The following SORCS3 variants were observed in gnomAD, a reference collection of about 807,000 sequenced individuals.
SORCS3 encodes sortilin related VPS10 domain containing receptor 3, also known as VPS10 domain-containing receptor SorCS3.
SORCS3 carries 57 observed loss-of-function variants against 146.3 expected under a neutral mutation model. The ratio of observed to expected loss-of-function variants is 0.39; its 90% CI spans 0.31 to 0.49. SORCS3 has a LOEUF of 0.49. Among genes scored for constraint, SORCS3 ranks in the 20% least tolerant of loss-of-function variants. The pLI, the probability that SORCS3 is intolerant of heterozygous loss-of-function variation, is 0.92. For synonymous variants in SORCS3, 653 were observed against 618.5 expected (o/e 1.06, Z -0.83); for missense variants, 1,341 against 1,575.5 (o/e 0.85, Z 2.52).
At chr10:105,242,569 TTTATATATTTA>T (rs1434140737) in intron 20 of SORCS3, among the ~76,000 whole-genome samples, 6 of 31,742 alleles carry the variant, frequency 1.9e-4, no homozygotes, top group African/African-American at 7.7e-4. Context: ...TTTATATATA[TTTATATATTTA>T]TATATATTTA....
intron 1 of SORCS3, among the ~76,000 whole-genome samples, chr10:104,800,321 G>A (rs2017610529): frequency 6.6e-6 from 1 of 152,182 alleles, no homozygotes; most frequent in Admixed American, 6.5e-5. Context: ...GTTAACAGTA[G>A]TTAGCGAGGA....
At position 105,210,956 on chromosome 10, in the gene SORCS3, T is replaced by C. The variant is rs547716431; in HGVS notation, c.2262-181T>C. On this transcript the variant is annotated intron_variant, in intron 16 of 26. Coordinates refer to ENST00000369701, the MANE Select transcript of SORCS3 (RefSeq NM_014978.3). ...TGACTGGACTCCAAATGATTTGGAA[T>C]TATTTATAAAGCTAAAAGTTCATTT... 2.6e-5 allele frequency among the ~76,000 whole-genome samples: 4 copies of C among 152,342 alleles called. No homozygotes were observed. In the South Asian group the frequency reaches 8.3e-4, roughly 32 times the overall value.
intron 5 of SORCS3, among the ~76,000 whole-genome samples, chr10:105,064,859 C>A (rs2055512274): frequency 6.6e-6 from 1 of 152,172 alleles, no homozygotes. Flanking sequence ...GCTCACACGC[C>A]AATCTCCTTT....
chr10:105,244,266 GA>G (rs577426057), intron 20 of SORCS3, among the ~76,000 whole-genome samples: 77 of 147,362 alleles, frequency 5.2e-4, no homozygotes, highest in African/African-American at 1.6e-3. Context: ...TTCTTTCCAG[GA>G]AAAAAAAATA....
chr10:105,252,810 C>G lies in SORCS3; in HGVS notation c.3141C>G (p.Ala1047=). 1.2e-6 allele frequency: 2 copies of G among 1,614,066 alleles called. No individual in the cohort carries two copies. Among genetic ancestry groups the G allele is most frequent in the African/African-American group, 1.3e-5 (1 of 75,046 alleles). The change falls in exon 23 of 27, where the codon GCC becomes GCG. Residue 1047 remains alanine, a synonymous_variant. Transcript: ENST00000369701. ...TCCCAGAGGACCAGATCCTCATTGC[C>G]GTGTTTCCTGGTCTCCCCACTTCAG... ...TSVPEDQILI[A]VFPGLPTSAE...
intron 23 of SORCS3, among the ~76,000 whole-genome samples, chr10:105,254,062 T>C (rs1434989967): frequency 1.3e-5 from 2 of 152,238 alleles, no homozygotes; most frequent in Non-Finnish European, 2.9e-5. Context: ...TCAGCTTTCA[T>C]GTGGGAATTA....
intron 5 of SORCS3, among the ~76,000 whole-genome samples, chr10:105,048,956 G>A (rs561200527): frequency 6.6e-6 from 1 of 151,994 alleles, no homozygotes; most frequent in South Asian, 2.1e-4. Context: ...AAAGATACAT[G>A]CTTTATTCTG....
intron 2 of SORCS3, among the ~76,000 whole-genome samples, chr10:104,913,418 G>C (rs1047301562): frequency 6.6e-6 from 1 of 152,238 alleles, no homozygotes; most frequent in Admixed American, 6.5e-5. Flanking sequence ...GATTGGGAGT[G>C]ATTCCCAGAG....
chr10:104,703,825 G>T (rs1026320977), intron 1 of SORCS3, among the ~76,000 whole-genome samples: 5 of 151,760 alleles, frequency 3.3e-5, no homozygotes, highest in Non-Finnish European at 5.9e-5. Context: ...ACTCCATCAG[G>T]GTTCCAAACC....
chr10:104,732,683 G>A (rs2016721636), intron 1 of SORCS3, among the ~76,000 whole-genome samples: 1 of 152,140 alleles, frequency 6.6e-6, no homozygotes, highest in African/African-American at 2.4e-5. Context: ...GCTAAAATGT[G>A]CATATTGTGG....
At chr10:105,089,345 A>G (rs945805601) in intron 5 of SORCS3, among the ~76,000 whole-genome samples, 1 of 152,216 alleles carries the variant, frequency 6.6e-6, no homozygotes, top group African/African-American at 2.4e-5. Flanking sequence ...CCCATCGGGT[A>G]GAACAGGCAG....
chr10:105,081,740 T>C (rs1197016074), intron 5 of SORCS3, among the ~76,000 whole-genome samples: 2 of 152,176 alleles, frequency 1.3e-5, no homozygotes, highest in South Asian at 2.1e-4. Flanking sequence ...CTATTTCCTT[T>C]TGTTCCCTGC....
intron 9 of SORCS3, among the ~76,000 whole-genome samples, chr10:105,151,978 T>G (rs2119479597): frequency 6.6e-6 from 1 of 152,318 alleles, no homozygotes; most frequent in South Asian, 2.1e-4. Flanking sequence ...TTGTGTGTAC[T>G]TACCATTATT....
chr10:104,754,924 C>T (rs1361634352), intron 1 of SORCS3, among the ~76,000 whole-genome samples: 1 of 152,184 alleles, frequency 6.6e-6, no homozygotes, highest in Non-Finnish European at 1.5e-5. Flanking sequence ...TTCTCCTTTT[C>T]ACCAAGCACA....
intron 4 of SORCS3, among the ~76,000 whole-genome samples, chr10:104,986,593 C>T (rs753988168): frequency 5.5e-4 from 84 of 152,288 alleles, no homozygotes; most frequent in Non-Finnish European, 1.6e-4. Context: ...GCTTAATCAT[C>T]CCTAGCTTTT....
chr10:104,893,244 C>G (rs957303166), intron 2 of SORCS3, among the ~76,000 whole-genome samples: 3 of 152,166 alleles, frequency 2.0e-5, no homozygotes. Context: ...TTGGTTTATA[C>G]TTGTTGGGAT....
chr10:105,262,181 C>A, intron 25 of SORCS3, 150 bp from the exon 26 acceptor site: 1 of 659,014 alleles, frequency 1.5e-6, no homozygotes, highest in Non-Finnish European at 2.5e-6. Context: ...GACCTTGTAG[C>A]CTCATTGTCT....
At chr10:104,934,473 T>A (rs1361187793) in intron 3 of SORCS3, among the ~76,000 whole-genome samples, 1 of 152,212 alleles carries the variant, frequency 6.6e-6, no homozygotes, top group African/African-American at 2.4e-5. Context: ...GAGTGTTGCT[T>A]AACACACAGC....
At chr10:105,025,574 T>G (rs2133691728) in intron 4 of SORCS3, among the ~76,000 whole-genome samples, 2 of 152,224 alleles carry the variant, frequency 1.3e-5, no homozygotes, top group Middle Eastern at 6.8e-3. Context: ...TACACTGGGA[T>G]TTTTGAATCT....
Sources: allele counts gnomAD v4.1 joint callset (sites outside exome capture counted in the v4.1 genomes callset), GRCh38; gene constraint gnomAD v4.1.1; transcripts MANE v1.5; gene names NCBI Gene and HGNC (gene_info 2026-07-23, HGNC 2026-07-21).